SLC3A2: variants seen among roughly 807,000 people sequenced by gnomAD.
SLC3A2 encodes solute carrier family 3 member 2.
Under a neutral mutation model 48.5 loss-of-function variants are expected in SLC3A2, and 32 were observed. The observed-to-expected ratio is 0.66, with a 90% confidence interval of 0.50 to 0.89. The LOEUF is 0.89. Ranked by LOEUF, SLC3A2 falls within the 40% of genes least tolerant of loss-of-function variation. The pLI is 0.00. For synonymous variants in SLC3A2, 277 were observed against 288.8 expected, an observed-to-expected ratio of 0.96 and a Z score of 0.41; for missense variants, 587 against 680.7, an observed-to-expected ratio of 0.86 and a Z score of 1.53.
At chr11:62,873,685 G>C (rs1378742530) in intron 1 of SLC3A2, among the ~76,000 whole-genome samples, 1 of 152,142 alleles carries the variant, frequency 6.6e-6, no homozygotes, top group East Asian at 1.9e-4. Context: ...ACGTGGCCCT[G>C]TCTGGTCTCA....
At chr11:62,880,180 C>T (rs895972761), upstream of SLC3A2, among the ~76,000 whole-genome samples, 2 of 152,192 alleles carry the variant, frequency 1.3e-5, no homozygotes, top group African/African-American at 4.8e-5. Flanking sequence ...AGGGGGGTGT[C>T]TACCTCAACC....
intron 1 of SLC3A2, among the ~76,000 whole-genome samples, chr11:62,873,215 C>G (rs481235): frequency 0.56 from 84,740 of 151,562 alleles, 24,221 homozygotes; most frequent in Non-Finnish European, 0.62. Context: ...GTGGCCGGGC[C>G]TGGTGGCTCA....
chr11:62,881,790 T>C lies in SLC3A2; in HGVS notation c.425-103T>C. 7.5e-7 allele frequency: 1 copy of C among 1,329,976 alleles called. No individual in the cohort carries two copies. The highest frequency in any genetic ancestry group is 2.1e-5 in the Admixed American group (1 of 46,578). 82.4% of individuals were successfully genotyped at this position (1,329,976 alleles called of 1,614,324 possible). On this transcript the variant is annotated intron_variant, in intron 1 of 8. Transcript: ENST00000338663. This position sits in a 1 kb window ranked among gnomAD's most constrained non-coding sequence, Gnocchi z 4.0. Reference sequence around the variant, plus strand: ...CAGCCTTGCCTCCCTCTCTCCCCCTTTGCCCCCTCCCCGTCCCACCCTTAG... The same window carrying C: ...CAGCCTTGCCTCCCTCTCTCCCCCTCTGCCCCCTCCCCGTCCCACCCTTAG...
intron 6 of SLC3A2, 30 bp downstream of exon 6, chr11:62,885,387 A>C: frequency 6.2e-7 from 1 of 1,614,012 alleles, no homozygotes. Flanking sequence ...GAAAGGGGGC[A>C]GATGGGAGAA....
intron 1 of SLC3A2, among the ~76,000 whole-genome samples, chr11:62,863,425 G>A (rs1187568417): frequency 6.6e-6 from 1 of 152,050 alleles, no homozygotes; most frequent in Non-Finnish European, 1.5e-5. Flanking sequence ...CCTCACTATG[G>A]TGCCTAGGCG....
At chr11:62,885,012 G>A (rs1333181655) in intron 5 of SLC3A2, among the ~76,000 whole-genome samples, 165 bp from the exon 6 acceptor site, 1 of 151,638 alleles carries the variant, frequency 6.6e-6, no homozygotes, top group East Asian at 1.9e-4. Flanking sequence ...TGTATTTTTA[G>A]TAGAGACGGG....
chr11:62,881,377 G>C lies in SLC3A2; in HGVS notation c.354G>C (p.Trp118Cys). 1 of 1,596,866 alleles carries C rather than the reference G, an allele frequency of 6.3e-7. No homozygotes were observed. Among genetic ancestry groups the C allele is most frequent in the Non-Finnish European group, 8.5e-7 (1 of 1,177,380 alleles). Residue 118 changes from tryptophan (W) to cysteine (C), a missense_variant, in exon 1 of 9, where the codon TGG becomes TGC. By Grantham distance (215) the Trp-to-Cys change is radical. Around this residue, in one of 3 missense-constraint regions of SLC3A2, gnomAD observed 409 missense variants for 446.7 expected, o/e 0.92. Coordinates refer to ENST00000338663, the MANE Select transcript of SLC3A2 (RefSeq NM_001013251.3). This position sits in a 1 kb window ranked among gnomAD's most constrained non-coding sequence, Gnocchi z 4.0. ...GCGAGCTACCGGCGCAGAAGTGGTG[G>C]CACACGGGCGCCCTCTACCGCATCG... The part of the protein sequence containing the change: ...RCRELPAQKW[W>C]HTGALYRIGD...
In SLC3A2 at chr11:62,888,435, C is replaced by A; in HGVS notation, c.1332C>A (p.Ser444=). Reference sequence around the variant, plus strand: ...TGCATGGGGACTTCCACGCGTTCTCCGCTGGGCCTGGACTCTTCTCCTATA... The same window carrying A: ...TGCATGGGGACTTCCACGCGTTCTCAGCTGGGCCTGGACTCTTCTCCTATA... ...SLLHGDFHAF[S]AGPGLFSYIR... is the part of the protein sequence containing the mutation. Residue 444 remains serine (S), a synonymous_variant, in exon 9 of 9, where the codon TCC becomes TCA. Transcript: ENST00000338663. 1 of 1,614,222 alleles carries A rather than the reference C, an allele frequency of 6.2e-7. No individual in the cohort carries two copies. Among genetic ancestry groups the A allele is most frequent in the Non-Finnish European group, 8.5e-7 (1 of 1,180,046 alleles).
chr11:62,882,651 A>T (rs533246541), intron 2 of SLC3A2: 3 of 413,122 alleles, frequency 7.3e-6, no homozygotes, highest in Non-Finnish European at 1.4e-5. Context: ...CACCCAGATA[A>T]TTTTTTTATT....
upstream of SLC3A2, chr11:62,880,540 A>AT (rs2085619014): frequency 6.5e-6 from 1 of 153,170 alleles, no homozygotes. Context: ...GGGCAAATGG[A>AT]GGATGGTGTT....
chr11:62,881,568 G>C lies in SLC3A2; in HGVS notation c.424+121G>C. 7.5e-7 allele frequency: 1 copy of C among 1,339,474 alleles called. No homozygotes were observed. The allele number at this position is 1,339,474 out of a possible 1,614,324, so 83.0% of individuals were successfully genotyped here. ...TTCCCTCCATCCCGTACCGACGACT[G>C]TTCCCCCTTCCCCCACCCCCTCCCC... On this transcript the variant is annotated intron_variant, in intron 1 of 8. Coordinates refer to ENST00000338663, the MANE Select transcript of SLC3A2 (RefSeq NM_001013251.3). This position sits in a 1 kb window ranked among gnomAD's most constrained non-coding sequence, Gnocchi z 4.0.
chr11:62,882,278 C>T lies in SLC3A2; in HGVS notation c.598+212C>T, dbSNP rs149093901. The T allele has an allele frequency of 5.6e-5, 32 of 575,020 alleles. No individual in the cohort carries two copies. The East Asian group carries it at 9.6e-4, about 17-fold the overall frequency. The allele number at this position is 575,020 out of a possible 1,614,324, so 35.6% of individuals were successfully genotyped here. ...GTGGAATCTTGAGCAGGTCATTTAA[C>T]TTCTGGGCTTCAGTGCCCTTATTTG... On this transcript the variant is annotated intron_variant, in intron 2 of 8. Coordinates refer to ENST00000338663, the MANE Select transcript of SLC3A2 (RefSeq NM_001013251.3).
At chr11:62,869,621 TTA>T (rs774392644) in intron 1 of SLC3A2, among the ~76,000 whole-genome samples, 8 of 151,898 alleles carry the variant, frequency 5.3e-5, no homozygotes, top group Middle Eastern at 3.2e-3. Context: ...TAGTGATAAT[TTA>T]TATGTTTCAT....
chr11:62,878,528 C>T (rs1241624503), upstream of SLC3A2, among the ~76,000 whole-genome samples: 19 of 151,338 alleles, frequency 1.3e-4, no homozygotes, highest in African/African-American at 3.6e-4. Flanking sequence ...TGCAGTGGCG[C>T]GATTTTGGCT....
At chr11:62,872,011 C>T (rs1344740172) in intron 1 of SLC3A2, among the ~76,000 whole-genome samples, 1 of 152,142 alleles carries the variant, frequency 6.6e-6, no homozygotes, top group Non-Finnish European at 1.5e-5. Context: ...CTCCTGGGTT[C>T]ACGCCATTCT....
At chr11:62,865,513 A>C (rs1046800649) in intron 1 of SLC3A2, among the ~76,000 whole-genome samples, 1 of 139,262 alleles carries the variant, frequency 7.2e-6, no homozygotes, top group Non-Finnish European at 1.5e-5. Flanking sequence ...CCTAGATTGC[A>C]CCACTGCACT....
chr11:62,888,519 C>T lies in SLC3A2; in HGVS notation c.1416C>T (p.Gly472=). The change falls in exon 9 of 9, where the codon GGC becomes GGT. Residue 472 remains glycine (G), a synonymous_variant. Coordinates refer to ENST00000338663, the MANE Select transcript of SLC3A2 (RefSeq NM_001013251.3). ...TAGTGCTTAACTTTGGGGATGTGGG[C>T]CTCTCGGCTGGACTGCAGGCCTCCG... ...FLVVLNFGDV[G]LSAGLQASDL... The T allele has an allele frequency of 6.2e-7, 1 of 1,614,214 alleles. No homozygotes were observed. The highest frequency in any genetic ancestry group is 1.1e-5 in the South Asian group (1 of 91,090).
intron 7 of SLC3A2, chr11:62,886,560 C>G (rs899392269): frequency 7.2e-5 from 11 of 151,970 alleles, no homozygotes; most frequent in African/African-American, 2.7e-4. Context: ...GGATATGTAC[C>G]ATAGATAGGT....
chr11:62,888,830 C>A lies in SLC3A2; in HGVS notation c.*137C>A. The A allele has an allele frequency of 1.2e-6, 1 of 848,424 alleles. No individual in the cohort carries two copies. The highest frequency in any genetic ancestry group is 1.8e-6 in the Non-Finnish European group (1 of 563,980). 52.6% of individuals were successfully genotyped at this position (848,424 alleles called of 1,614,324 possible). ...AACCCCCAAATAGGGTGTTTTCTGC[C>A]TTCAAATAAAAGTCACCCCTGCATG... On this transcript the variant is annotated 3_prime_UTR_variant, in exon 9 of 9. Transcript: ENST00000338663.
Sources: gnomAD v4.1 joint callset for allele counts (sites outside exome capture counted in the v4.1 genomes callset) on GRCh38, gnomAD v4.1.1 for gene constraint, gnomAD v4.1.1 regional missense constraint, Gnocchi (gnomAD v3.1) non-coding constraint, MANE v1.5 for transcripts, NCBI Gene and HGNC (gene_info 2026-07-23, HGNC 2026-07-21) for gene names.